Variants in WNT7A observed in about 807,000 individuals in gnomAD.
WNT7A encodes the protein protein Wnt-7a.
A neutral mutation model predicts 28.2 loss-of-function variants in WNT7A; 16 were observed. That is an observed-to-expected ratio of 0.57 (90% confidence interval 0.38 to 0.86). The LOEUF is 0.86. Among genes scored for constraint, WNT7A ranks in the 40% least tolerant of loss-of-function variants. The pLI is 0.00. For missense variants in WNT7A, 411 were observed against 489.7 expected (o/e 0.84, Z 1.52); for synonymous variants, 190 against 195.9 (o/e 0.97, Z 0.25).
At chr3:13,838,819 A>G (rs954085360) in intron 3 of WNT7A, among the ~76,000 whole-genome samples, 9 of 152,194 alleles carry the variant, frequency 5.9e-5, no homozygotes, top group African/African-American at 2.2e-4. Context: ...TCACCAGGGT[A>G]CTCAAGCTGG....
chr3:13,867,930 T>C (rs1694937301), intron 2 of WNT7A, among the ~76,000 whole-genome samples: 2 of 152,356 alleles, frequency 1.3e-5, no homozygotes, highest in African/African-American at 4.8e-5. Context: ...GACATGCAGC[T>C]GGCCAGTCCC....
chr3:13,830,377 G>T (rs573379298), intron 3 of WNT7A, among the ~76,000 whole-genome samples: 13 of 152,158 alleles, frequency 8.5e-5, no homozygotes, highest in Non-Finnish European at 1.9e-4. Context: ...TGGTCACCAA[G>T]TTCCGCTGGC....
chr3:13,858,883 C>A (rs921108377), intron 2 of WNT7A, among the ~76,000 whole-genome samples: 6 of 152,346 alleles, frequency 3.9e-5, no homozygotes, highest in African/African-American at 1.4e-4. Context: ...ACTCCACCCC[C>A]ACACTACCAT....
chr3:13,875,134 G>A lies in WNT7A; in HGVS notation c.111C>T (p.Ile37=), dbSNP rs748860417. The stretch of plus-strand genomic sequence containing the variant: ...GAGCCAGGCCTGGGATCTTGTTACA[G>A]ATGATGCTTGCGCCCAGAGCTACCA... ...SSVVALGASI[I]CNKIPGLAPR... is the part of the protein sequence containing the mutation. The change falls in exon 2 of 4, where the codon ATC becomes ATT. Residue 37 remains isoleucine, a synonymous_variant. Transcript: ENST00000285018. The A allele has an allele frequency of 6.2e-7, 1 of 1,614,178 alleles. No individual in the cohort carries two copies. The highest frequency in any genetic ancestry group is 8.5e-7 in the Non-Finnish European group (1 of 1,180,032).
Position 13,816,864 on chromosome 3 carries a change from C to G in WNT7A, c.*2080G>C, listed in dbSNP as rs1268582815. On this transcript the variant is annotated 3_prime_UTR_variant, in exon 4 of 4. Transcript: ENST00000285018. ...ATCTACCCATTCACCTACCTACCTACTCACACATTCATCCATCCCTCCATC... is the reference window on the plus strand; with the variant it reads ...ATCTACCCATTCACCTACCTACCTAGTCACACATTCATCCATCCCTCCATC... 6.6e-6 allele frequency: 1 copy of G among 152,362 alleles called. No individual in the cohort carries two copies. Among genetic ancestry groups the G allele is most frequent in the Admixed American group, 6.5e-5 (1 of 15,284 alleles). The allele number at this position is 152,362 out of a possible 1,614,324, so 9.4% of individuals were successfully genotyped here.
At chr3:13,858,744 C>A (rs1023090572) in intron 2 of WNT7A, among the ~76,000 whole-genome samples, 4 of 152,190 alleles carry the variant, frequency 2.6e-5, no homozygotes, top group African/African-American at 9.7e-5. Flanking sequence ...GGCTTCAGAG[C>A]TCTCAGGGAC....
chr3:13,833,573 T>C (rs2124838171), intron 3 of WNT7A, among the ~76,000 whole-genome samples: 1 of 152,332 alleles, frequency 6.6e-6, no homozygotes, highest in Middle Eastern at 3.4e-3. Flanking sequence ...CAGCCTCTCC[T>C]AGATGCATTC....
intron 3 of WNT7A, among the ~76,000 whole-genome samples, chr3:13,839,205 A>G (rs937579942): frequency 3.3e-5 from 5 of 152,224 alleles, no homozygotes; most frequent in Non-Finnish European, 7.3e-5. Flanking sequence ...AACCAGCACC[A>G]TCCACATCAC....
At chr3:13,842,245 G>A (rs561106817) in intron 3 of WNT7A, among the ~76,000 whole-genome samples, 170 of 152,316 alleles carry the variant, frequency 1.1e-3, no homozygotes, top group African/African-American at 3.9e-3. Flanking sequence ...GGGAAGAGAC[G>A]CTGATGGATA....
chr3:13,836,985 G>C (rs1273513828), intron 3 of WNT7A, among the ~76,000 whole-genome samples: 1 of 152,144 alleles, frequency 6.6e-6, no homozygotes, highest in Non-Finnish European at 1.5e-5. Context: ...ATGAGACTGA[G>C]TGCTGAGAGC....
chr3:13,851,981 C>T (rs1482893738), intron 3 of WNT7A, among the ~76,000 whole-genome samples: 2 of 152,352 alleles, frequency 1.3e-5, no homozygotes, highest in Admixed American at 6.5e-5. Flanking sequence ...ACACAATTGA[C>T]GAGACAATGA....
intron 2 of WNT7A, among the ~76,000 whole-genome samples, chr3:13,855,181 G>A (rs1024702212): frequency 3.9e-5 from 6 of 152,214 alleles, no homozygotes; most frequent in African/African-American, 7.2e-5. Flanking sequence ...TCACAGCATC[G>A]TAAAGCAGCG....
chr3:13,833,104 C>A lies in WNT7A; in HGVS notation c.571-13681G>T, dbSNP rs139607734. ...CCCAGTAACCTGTGTGGCCTGCACA[C>A]AGTCACATCCCACCATGTGCTCACA... On this transcript the variant is annotated intron_variant, in intron 3 of 3. Transcript: ENST00000285018. Among the ~76,000 whole-genome samples, 824 of 152,176 alleles carry A rather than the reference C, an allele frequency of 5.4e-3. 8 individuals carry two copies. Among genetic ancestry groups the A allele is most frequent in the African/African-American group, 0.018 (735 of 41,488 alleles).
At chr3:13,860,064 T>G (rs1694803554) in intron 2 of WNT7A, among the ~76,000 whole-genome samples, 1 of 152,196 alleles carries the variant, frequency 6.6e-6, no homozygotes, top group East Asian at 1.9e-4. Flanking sequence ...TGGGTTTTTT[T>G]TTTTAAGGAA....
At chr3:13,870,007 A>T (rs1695006678) in intron 2 of WNT7A, among the ~76,000 whole-genome samples, 1 of 151,844 alleles carries the variant, frequency 6.6e-6, no homozygotes, top group Non-Finnish European at 1.5e-5. Context: ...CTCACTGATA[A>T]ATTTCTCCCC....
At chr3:13,828,687 C>T (rs1575060407) in intron 3 of WNT7A, among the ~76,000 whole-genome samples, 2 of 152,162 alleles carry the variant, frequency 1.3e-5, no homozygotes, top group Admixed American at 6.5e-5. Context: ...ACTCTGGGCT[C>T]GTTGAGTATC....
chr3:13,872,155 A>G lies in WNT7A; in HGVS notation c.298+2792T>C, dbSNP rs192409527. Among the ~76,000 whole-genome samples the G allele has an allele frequency of 2.0e-3, 310 of 152,206 alleles. 1 individual carries two copies. Among genetic ancestry groups the G allele is most frequent in the African/African-American group, 7.0e-3 (291 of 41,500 alleles). ...CTCCAGCCACAGTGGACACCAAATA[A>G]CTTGGTGAATGCATGAATAAATCAA... On this transcript the variant is annotated intron_variant, in intron 2 of 3. Coordinates refer to ENST00000285018, the MANE Select transcript of WNT7A (RefSeq NM_004625.4).
chr3:13,848,684 C>T (rs1694578159), intron 3 of WNT7A, among the ~76,000 whole-genome samples: 2 of 152,174 alleles, frequency 1.3e-5, no homozygotes, highest in Non-Finnish European at 2.9e-5. Flanking sequence ...AATGGTTTGG[C>T]ACTTTCTTAT....
At chr3:13,877,506 C>T (rs1466614650) in intron 1 of WNT7A, among the ~76,000 whole-genome samples, 2 of 152,228 alleles carry the variant, frequency 1.3e-5, no homozygotes, top group Non-Finnish European at 2.9e-5. Flanking sequence ...ATTTCTACAC[C>T]AGCTGAGAGT....
Sources: gnomAD v4.1 joint callset for allele counts (sites outside exome capture counted in the v4.1 genomes callset) on GRCh38, gnomAD v4.1.1 for gene constraint, MANE v1.5 for transcripts, NCBI Gene and HGNC (gene_info 2026-07-23, HGNC 2026-07-21) for gene names.